The following GATAD1 variants were observed in gnomAD, a reference collection of about 807,000 sequenced individuals.
GATAD1 encodes the protein GATA zinc finger domain-containing protein 1.
GATAD1 carries 12 observed loss-of-function variants against 26.5 expected under a neutral mutation model. The ratio of observed to expected loss-of-function variants is 0.45; its 90% CI spans 0.29 to 0.73. GATAD1 has a LOEUF of 0.73. Among genes scored for constraint, GATAD1 ranks in the 30% least tolerant of loss-of-function variants. The probability of loss-of-function intolerance (pLI) is 0.10; values close to 1 mark genes in which losing one functional copy is unlikely to be tolerated. For synonymous variants in GATAD1, 129 were observed against 133.1 expected (o/e 0.97, Z 0.21); for missense variants, 266 against 342.1 (o/e 0.78, Z 1.75).
chr7:92,464,472 G>A (rs141930746), downstream of GATAD1, among the ~76,000 whole-genome samples: 1,385 of 152,318 alleles, frequency 9.1e-3, 9 homozygotes, highest in Non-Finnish European at 0.014. Flanking sequence ...CTGTGGGCCA[G>A]CCTCAGTGCT....
chr7:92,488,108 A>G, the GATAD1 span, among the ~76,000 whole-genome samples: 127 of 152,350 alleles, frequency 8.3e-4, no homozygotes, highest in Middle Eastern at 0.017. Flanking sequence ...ACACTATAAA[A>G]TGACATTTAA....
the GATAD1 span, chr7:92,469,450 G>C: frequency 2.6e-6 from 2 of 770,006 alleles, no homozygotes; most frequent in Non-Finnish European, 4.8e-6. Context: ...GCGGGGCTTA[G>C]ATATGACATA....
the GATAD1 span, among the ~76,000 whole-genome samples, chr7:92,484,337 CAG>C: frequency 6.6e-6 from 1 of 151,944 alleles, no homozygotes; most frequent in Non-Finnish European, 1.5e-5. Context: ...GGTAGAGACA[CAG>C]AGAAGGGGGT....
At chr7:92,460,678 C>G (rs1789887547), downstream of GATAD1, among the ~76,000 whole-genome samples, 1 of 150,966 alleles carries the variant, frequency 6.6e-6, no homozygotes, top group East Asian at 1.9e-4. Flanking sequence ...CCTGTAATCC[C>G]AGCACTTTAA....
the GATAD1 span, chr7:92,489,535 T>C: frequency 4.4e-4 from 475 of 1,085,728 alleles, 2 homozygotes; most frequent in African/African-American, 4.4e-3. Context: ...ATACGTTCTC[T>C]TCCTTATAAG....
At chr7:92,453,924 C>G (rs1349574769) in intron 3 of GATAD1, 2 of 153,516 alleles carry the variant, frequency 1.3e-5, no homozygotes, top group South Asian at 2.0e-4. Context: ...TATTAATACT[C>G]TCTTTGTATG....
the GATAD1 span, chr7:92,477,568 G>A: frequency 1.3e-5 from 2 of 152,804 alleles, no homozygotes; most frequent in Non-Finnish European, 2.9e-5. Flanking sequence ...CTTGGGCCAT[G>A]TGGTAAGTGT....
chr7:92,468,021 C>T, the GATAD1 span, among the ~76,000 whole-genome samples: 3 of 152,158 alleles, frequency 2.0e-5, no homozygotes, highest in East Asian at 3.8e-4. Context: ...TGGCAAGCCT[C>T]GTGTTCTCTG....
In GATAD1 at chr7:92,451,011, G is replaced by A. The variant is rs116607677; in HGVS notation, c.435+251G>A. Among the ~76,000 whole-genome samples the A allele has an allele frequency of 9.2e-3, 1,404 of 152,192 alleles. 24 individuals are homozygous for A. Among genetic ancestry groups the A allele is most frequent in the African/African-American group, 0.032 (1,333 of 41,488 alleles). On this transcript the variant is annotated intron_variant, in intron 3 of 4. Coordinates refer to ENST00000287957, the MANE Select transcript of GATAD1 (RefSeq NM_021167.5). Reference sequence around the variant, plus strand: ...ATCTTAAGTATTTTTTTTTAGTGTAGATTGTAGGAATTATTCTTAAAATGC... The same window carrying A: ...ATCTTAAGTATTTTTTTTTAGTGTAAATTGTAGGAATTATTCTTAAAATGC...
intron 3 of GATAD1, among the ~76,000 whole-genome samples, chr7:92,451,868 C>T (rs1789447202): frequency 6.6e-6 from 1 of 152,172 alleles, no homozygotes; most frequent in Admixed American, 6.5e-5. Flanking sequence ...TTAACTTGTC[C>T]AAGATCACAT....
At chr7:92,455,612 C>T (rs1306614296) in intron 4 of GATAD1, among the ~76,000 whole-genome samples, 1 of 152,188 alleles carries the variant, frequency 6.6e-6, no homozygotes, top group African/African-American at 2.4e-5. Context: ...ACAGTTACTT[C>T]AGACTTTTTA....
At chr7:92,467,520 C>T in the GATAD1 span, among the ~76,000 whole-genome samples, 1 of 152,232 alleles carries the variant, frequency 6.6e-6, no homozygotes, top group Non-Finnish European at 1.5e-5. Flanking sequence ...CAACTTTTGG[C>T]TTAGGCCCTC....
At chr7:92,489,579 C>T in the GATAD1 span, 1 of 1,017,008 alleles carries the variant, frequency 9.8e-7, no homozygotes, top group South Asian at 1.4e-5. Context: ...AAGCACATAA[C>T]CATGACTGAG....
At chr7:92,466,312 G>T in the GATAD1 span, among the ~76,000 whole-genome samples, 1 of 151,998 alleles carries the variant, frequency 6.6e-6, no homozygotes, top group African/African-American at 2.4e-5. Flanking sequence ...GACCACAGTT[G>T]TGCACTACCA....
chr7:92,478,011 A>G, the GATAD1 span: 1 of 152,356 alleles, frequency 6.6e-6, no homozygotes, highest in South Asian at 2.1e-4. Context: ...CTCTCAGGCA[A>G]TAGATGATTG....
In GATAD1 at chr7:92,456,680, C is replaced by A. The variant is rs188184603; in HGVS notation, c.*118C>A. 3.0e-5 allele frequency: 18 copies of A among 593,894 alleles called. No individual in the cohort carries two copies. Among genetic ancestry groups the A allele is most frequent in the Admixed American group, 2.2e-4 (7 of 32,164 alleles). The allele number at this position is 593,894 out of a possible 1,614,324, so 36.8% of individuals were successfully genotyped here. ...GAGTCAGATTCTCTTTCTTAAAAAACCACAAAAAAACTGGATTTCCAGTTC... is the reference window on the plus strand; with the variant it reads ...GAGTCAGATTCTCTTTCTTAAAAAAACACAAAAAAACTGGATTTCCAGTTC... On this transcript the variant is annotated 3_prime_UTR_variant, in exon 5 of 5. Transcript: ENST00000287957.
the GATAD1 span, chr7:92,489,944 A>C: frequency 3.9e-6 from 6 of 1,544,526 alleles, no homozygotes; most frequent in African/African-American, 6.8e-5. Context: ...GAAAGATGGA[A>C]GGAAGAGGGG....
the GATAD1 span, chr7:92,494,052 T>A: frequency 1.9e-5 from 8 of 432,304 alleles, no homozygotes; most frequent in South Asian, 1.5e-4. Flanking sequence ...GTTTCTTGCA[T>A]TTTTTTTTCC....
the GATAD1 span, chr7:92,472,963 TGTCCAGGTATGA>T: frequency 6.6e-6 from 1 of 152,230 alleles, no homozygotes; most frequent in Non-Finnish European, 1.5e-5. Context: ...GAAGGACAAG[TGTCCAGGTATGA>T]GGATTGGCTC....
Sources: allele counts gnomAD v4.1 joint callset (sites outside exome capture counted in the v4.1 genomes callset), GRCh38; gene constraint gnomAD v4.1.1; transcripts MANE v1.5; gene names NCBI Gene and HGNC (gene_info 2026-07-23, HGNC 2026-07-21).